REV3L: variants seen among roughly 807,000 people sequenced by gnomAD.
The protein encoded by REV3L is DNA polymerase zeta catalytic subunit.
REV3L carries 69 observed loss-of-function variants against 299.4 expected under a neutral mutation model. The ratio of observed to expected loss-of-function variants is 0.23; its 90% CI spans 0.19 to 0.28. The LOEUF is 0.28. Ranked by LOEUF, REV3L falls within the 10% of genes least tolerant of loss-of-function variation. The pLI is 1.00. For missense variants in REV3L, 3,128 were observed against 3,693.8 expected (o/e 0.85, Z 3.97); for synonymous variants, 1,238 against 1,271.4 (o/e 0.97, Z 0.56).
At chr6:111,390,951 C>A (rs558225557) in intron 5 of REV3L, among the ~76,000 whole-genome samples, 1 of 151,628 alleles carries the variant, frequency 6.6e-6, no homozygotes, top group Admixed American at 6.6e-5. Context: ...TTACTCATTC[C>A]AAAATTTAGG....
intron 3 of REV3L, among the ~76,000 whole-genome samples, chr6:111,407,249 T>C (rs1262214122): frequency 6.6e-6 from 1 of 152,156 alleles, no homozygotes; most frequent in East Asian, 1.9e-4. Context: ...ATGAGGCTAT[T>C]CATATACATT....
chr6:111,429,087 G>A (rs981550499), intron 1 of REV3L, among the ~76,000 whole-genome samples: 1 of 151,986 alleles, frequency 6.6e-6, no homozygotes, highest in Non-Finnish European at 1.5e-5. Flanking sequence ...CATCTTCAAC[G>A]TGCTTTAAAA....
chr6:111,366,576 TATG>T (rs1439445764), intron 14 of REV3L, among the ~76,000 whole-genome samples: 3 of 152,054 alleles, frequency 2.0e-5, no homozygotes, highest in Admixed American at 6.5e-5. Flanking sequence ...TTAGAGGACA[TATG>T]ATAAGACTCA....
intron 15 of REV3L, among the ~76,000 whole-genome samples, chr6:111,364,333 C>T (rs1029206704): frequency 1.3e-5 from 2 of 152,018 alleles, no homozygotes; most frequent in Non-Finnish European, 2.9e-5. Flanking sequence ...AATATATTTC[C>T]AACTACTTTG....
chr6:111,316,075 CTAAAATA>C (rs2114747720), intron 26 of REV3L, among the ~76,000 whole-genome samples: 1 of 152,022 alleles, frequency 6.6e-6, no homozygotes, highest in Non-Finnish European at 1.5e-5. Context: ...CCCATCCCTA[CTAAAATA>C]TAAAAATTAG....
At chr6:111,402,221 G>A (rs911683161) in intron 4 of REV3L, among the ~76,000 whole-genome samples, 3 of 152,118 alleles carry the variant, frequency 2.0e-5, no homozygotes, top group Non-Finnish European at 4.4e-5. Flanking sequence ...CTTAGATCAA[G>A]CTCTGGATTT....
At chr6:111,356,174 T>C (rs900876207) in intron 18 of REV3L, among the ~76,000 whole-genome samples, 2 of 152,166 alleles carry the variant, frequency 1.3e-5, no homozygotes, top group Admixed American at 6.5e-5. Context: ...TATAACAACA[T>C]GCTCATGGAC....
At chr6:111,451,679 A>T (rs1789562200) in intron 1 of REV3L, among the ~76,000 whole-genome samples, 1 of 152,180 alleles carries the variant, frequency 6.6e-6, no homozygotes, top group African/African-American at 2.4e-5. Flanking sequence ...AGCCTATCAA[A>T]ATAATCTCCA....
rs746986981 is a variant in REV3L, at chr6:111,375,678, C to T, written c.2677G>A (p.Gly893Ser). ...GAFENKTPTD[G>S]FIDCHFGDGT... is the part of the protein sequence containing the mutation. ...TCTCCAAAGTGACAGTCTATAAAAC[C>T]ATCTGTGGGTGTTTTATTTTCAAAA... The change falls in exon 13 of 32, where the codon GGT becomes AGT. Residue 893 changes from glycine to serine, a missense_variant. Physicochemically the swap from Gly to Ser is moderately conservative, Grantham distance 56. This residue lies in a region of REV3L where 2,409 missense variants were observed against 2,611.8 expected (regional missense o/e 0.92). Coordinates refer to ENST00000368802, the MANE Select transcript of REV3L (RefSeq NM_001372078.1). The T allele has an allele frequency of 2.5e-6, 4 of 1,613,814 alleles. 1 individual carries two copies. In the South Asian group the frequency reaches 4.4e-5, roughly 18 times the overall value.
chr6:111,430,705 T>A, intron 1 of REV3L: 1 of 1,544,418 alleles, frequency 6.5e-7, no homozygotes, highest in Non-Finnish European at 8.9e-7. Context: ...GCAAAGAAAA[T>A]AAAAAGAAAG....
At chr6:111,330,766 A>G (rs1775299190) in intron 24 of REV3L, among the ~76,000 whole-genome samples, 1 of 152,240 alleles carries the variant, frequency 6.6e-6, no homozygotes, top group South Asian at 2.1e-4. Flanking sequence ...TGATTTTTAT[A>G]TAGAGACCCA....
chr6:111,319,947 A>AG (rs1317013226), intron 26 of REV3L, among the ~76,000 whole-genome samples: 5 of 151,148 alleles, frequency 3.3e-5, no homozygotes, highest in Admixed American at 2.7e-4. Context: ...CTCCTGCCTC[A>AG]GCCTCCTGAG....
chr6:111,473,526 G>C (rs1233367344), intron 1 of REV3L, among the ~76,000 whole-genome samples: 2 of 151,492 alleles, frequency 1.3e-5, no homozygotes, highest in Non-Finnish European at 2.9e-5. Context: ...AACTCCTTTT[G>C]CTATAATCTT....
intron 25 of REV3L, among the ~76,000 whole-genome samples, chr6:111,325,018 C>T (rs1295345699): frequency 4.6e-5 from 7 of 152,066 alleles, no homozygotes; most frequent in Non-Finnish European, 1.0e-4. Context: ...CCCGCCACTA[C>T]GCCCGGCTAA....
At position 111,387,795 on chromosome 6, in the gene REV3L, C is replaced by G. The variant is rs1469635239; in HGVS notation, c.1066G>C (p.Glu356Gln). 4 of 1,613,880 alleles carry G rather than the reference C, an allele frequency of 2.5e-6. No homozygotes were observed. Among genetic ancestry groups the G allele is most frequent in the Non-Finnish European group, 3.4e-6 (4 of 1,179,942 alleles). ...MLQCTPANMVEVHKDKESSKG... is the reference protein window; with the variant it reads ...MLQCTPANMVQVHKDKESSKG... ...CTTGACTCTTTGTCTTTGTGAACTT[C>G]TACCATATTGGCTGGTGTACACTGA... is the stretch of plus-strand genomic sequence containing the variant. The change falls in exon 9 of 32, where the codon GAA becomes CAA. Residue 356 changes from glutamate to glutamine, a missense_variant. Glu to Gln is a conservative substitution (Grantham distance 29). Coordinates refer to ENST00000368802, the MANE Select transcript of REV3L (RefSeq NM_001372078.1).
chr6:111,463,620 T>C (rs911249826), intron 1 of REV3L, among the ~76,000 whole-genome samples: 3 of 152,214 alleles, frequency 2.0e-5, no homozygotes, highest in Non-Finnish European at 4.4e-5. Context: ...ATTTAAGACA[T>C]ACAGTAAATT....
intron 31 of REV3L, among the ~76,000 whole-genome samples, chr6:111,301,015 G>A (rs752282971): frequency 3.3e-5 from 5 of 152,142 alleles, no homozygotes; most frequent in Admixed American, 6.5e-5. Flanking sequence ...GAGAAATATC[G>A]CTGAATTCTT....
chr6:111,473,007 C>G (rs552307984), intron 1 of REV3L, among the ~76,000 whole-genome samples: 1 of 152,298 alleles, frequency 6.6e-6, no homozygotes, highest in East Asian at 1.9e-4. Context: ...CAATTTCACC[C>G]AAAGTTTACT....
chr6:111,312,715 A>T (rs1773114333), intron 28 of REV3L: 1 of 152,136 alleles, frequency 6.6e-6, no homozygotes, highest in Non-Finnish European at 1.5e-5. Context: ...GCGCCACCAC[A>T]CCCAGATAAT....
Sources: allele counts gnomAD v4.1 joint callset (sites outside exome capture counted in the v4.1 genomes callset), GRCh38; gene constraint gnomAD v4.1.1; regional missense constraint gnomAD v4.1.1; transcripts MANE v1.5; gene names NCBI Gene and HGNC (gene_info 2026-07-23, HGNC 2026-07-21).